CFAP77: variants seen among roughly 807,000 people sequenced by gnomAD.
CFAP77 encodes the protein cilia and flagella associated protein 77, also known as cilia- and flagella-associated protein 77.
A neutral mutation model predicts 31.1 loss-of-function variants in CFAP77; 25 were observed. The observed-to-expected ratio is 0.80, with a 90% CI of 0.59 to 1.12. The LOEUF is 1.12. Ranked by LOEUF, CFAP77 falls within the 50% of genes most tolerant of loss-of-function variation. The probability of loss-of-function intolerance (pLI) is 0.00; values close to 1 mark genes in which losing one functional copy is unlikely to be tolerated. For synonymous variants in CFAP77, 151 were observed against 159.9 expected, an observed-to-expected ratio of 0.94 and a Z score of 0.42; for missense variants, 377 against 397.3, an observed-to-expected ratio of 0.95 and a Z score of 0.44.
intron 1 of CFAP77, among the ~76,000 whole-genome samples, chr9:132,438,549 T>A (rs1212288713): frequency 6.1e-4 from 73 of 119,848 alleles, no homozygotes; most frequent in Non-Finnish European, 1.0e-3. Flanking sequence ...ATATTTTTTT[T>A]TTTTTTTTTA....
chr9:132,548,798 A>C (rs1852778104), intron 5 of CFAP77, among the ~76,000 whole-genome samples: 1 of 150,588 alleles, frequency 6.6e-6, no homozygotes, highest in African/African-American at 2.4e-5. Context: ...TTCAGTCACT[A>C]AAGTATGAAC....
At position 132,480,768 on chromosome 9, in the gene CFAP77, G is replaced by C. The variant is rs1851430655; in HGVS notation, c.196-17927G>C. ...GGGGCCAGGCGCCGGTGAGGAGAGG[G>C]ATGTGTCAGCCTGAGCACAGACTTC... is the stretch of plus-strand genomic sequence containing the variant. On this transcript the variant is annotated intron_variant, in intron 1 of 5. Coordinates refer to ENST00000393216, the MANE Select transcript of CFAP77 (RefSeq NM_001282957.2). The surrounding 1 kb of genome is among the most constrained non-coding windows in gnomAD (Gnocchi z 5.8). Among the ~76,000 whole-genome samples, 1 of 152,120 alleles carries C rather than the reference G, an allele frequency of 6.6e-6. No homozygotes were observed. Among genetic ancestry groups the C allele is most frequent in the Non-Finnish European group, 1.5e-5 (1 of 68,020 alleles).
chr9:132,508,583 G>T (rs771921611), intron 3 of CFAP77, among the ~76,000 whole-genome samples: 1 of 152,304 alleles, frequency 6.6e-6, no homozygotes, highest in East Asian at 1.9e-4. Context: ...GATTAGGACA[G>T]TGGGGGGGTT....
chr9:132,477,029 G>T (rs1334943838), intron 1 of CFAP77, among the ~76,000 whole-genome samples: 1 of 152,188 alleles, frequency 6.6e-6, no homozygotes, highest in South Asian at 2.1e-4. Context: ...AACCTCCTCT[G>T]GTCTTGGGGC....
intron 1 of CFAP77, among the ~76,000 whole-genome samples, chr9:132,447,885 C>T (rs1431390717): frequency 1.3e-5 from 2 of 152,188 alleles, no homozygotes; most frequent in African/African-American, 2.4e-5. Flanking sequence ...GGAGGAAAGA[C>T]CTACTTAGGA....
In CFAP77 at chr9:132,543,065, C is replaced by A. The variant is rs901900149; in HGVS notation, c.732+18C>A. 1.3e-6 allele frequency: 2 copies of A among 1,598,194 alleles called. No homozygotes were observed. Among genetic ancestry groups the A allele is most frequent in the Non-Finnish European group, 1.7e-6 (2 of 1,165,552 alleles). ...TCCAGAAGGTCAGTGTCACCTTCAT[C>A]CACACCCCTCCCTGCACCTTGCTGG... On this transcript the variant is annotated intron_variant, in intron 5 of 5. Transcript: ENST00000393216.
intron 4 of CFAP77, among the ~76,000 whole-genome samples, chr9:132,538,485 C>T (rs1282464034): frequency 1.3e-5 from 2 of 152,236 alleles, no homozygotes; most frequent in African/African-American, 2.4e-5. Flanking sequence ...TGTTGTCATA[C>T]ACATGTGAAA....
intron 5 of CFAP77, among the ~76,000 whole-genome samples, chr9:132,544,683 A>G (rs1426825675): frequency 6.6e-6 from 1 of 151,574 alleles, no homozygotes; most frequent in African/African-American, 2.4e-5. Context: ...TTTTGCAGGG[A>G]TGAGGTTTCG....
chr9:132,413,391 T>C (rs4637976), intron 1 of CFAP77, among the ~76,000 whole-genome samples: 90,065 of 152,184 alleles, frequency 0.59, 32,076 homozygotes, highest in Non-Finnish European at 0.79. Context: ...ATAGGAGTGA[T>C]TGAATCAAGT....
At chr9:132,442,655 CTT>C (rs141344128) in intron 1 of CFAP77, among the ~76,000 whole-genome samples, 7 of 147,114 alleles carry the variant, frequency 4.8e-5, no homozygotes, top group Non-Finnish European at 6.0e-5. Context: ...TCATGCCCAT[CTT>C]TTTTTTTTTC....
At chr9:132,431,739 G>T (rs1564201769) in intron 1 of CFAP77, among the ~76,000 whole-genome samples, 1 of 152,162 alleles carries the variant, frequency 6.6e-6, no homozygotes. Flanking sequence ...GGTATCAAAA[G>T]GTCTAACATG....
intron 5 of CFAP77, among the ~76,000 whole-genome samples, chr9:132,562,961 G>A (rs1829838687): frequency 1.3e-5 from 2 of 151,686 alleles, no homozygotes; most frequent in African/African-American, 2.4e-5. Context: ...GCCTCCCAAA[G>A]TGCTGGGATT....
chr9:132,508,274 T>C (rs1366609829), intron 3 of CFAP77, among the ~76,000 whole-genome samples: 1 of 152,200 alleles, frequency 6.6e-6, no homozygotes, highest in Non-Finnish European at 1.5e-5. Flanking sequence ...AATGAATGTG[T>C]TCCTCAGCCA....
At chr9:132,412,433 CATAT>C (rs900521812) in intron 1 of CFAP77, among the ~76,000 whole-genome samples, 13 of 152,158 alleles carry the variant, frequency 8.5e-5, no homozygotes, top group Non-Finnish European at 1.6e-4. Flanking sequence ...CAGTATTTAC[CATAT>C]ATAATATTAG....
At chr9:132,448,321 A>G (rs1850764076) in intron 1 of CFAP77, among the ~76,000 whole-genome samples, 1 of 152,234 alleles carries the variant, frequency 6.6e-6, no homozygotes, top group African/African-American at 2.4e-5. Flanking sequence ...AATTAGGTTG[A>G]TTAAAACACA....
chr9:132,562,623 T>C (rs1316102863), intron 5 of CFAP77, among the ~76,000 whole-genome samples: 7 of 152,230 alleles, frequency 4.6e-5, no homozygotes, highest in Non-Finnish European at 8.8e-5. Flanking sequence ...ATGTTCTACA[T>C]CCACCTGTCC....
At chr9:132,488,371 T>G (rs1274162296) in intron 1 of CFAP77, among the ~76,000 whole-genome samples, 2 of 152,228 alleles carry the variant, frequency 1.3e-5, no homozygotes, top group Non-Finnish European at 2.9e-5. Context: ...TTCCCCACTT[T>G]TCACCTCTTC....
In CFAP77 at chr9:132,501,512, C is replaced by T. The variant is rs1049658471; in HGVS notation, c.524+1912C>T. ...CTCCCTTCCAGGTTCCAGTGATTCT[C>T]CTGCCTCAGCCTCCCGAGTAGCTGG... On this transcript the variant is annotated intron_variant, in intron 3 of 5. Coordinates refer to ENST00000393216, the MANE Select transcript of CFAP77 (RefSeq NM_001282957.2). The surrounding 1 kb of genome is among the most constrained non-coding windows in gnomAD (Gnocchi z 4.6). 8.6e-5 allele frequency among the ~76,000 whole-genome samples: 13 copies of T among 151,946 alleles called. No homozygotes were observed. Among genetic ancestry groups the T allele is most frequent in the Admixed American group, 6.6e-5 (1 of 15,244 alleles).
chr9:132,526,405 T>TG (rs1460437569), intron 3 of CFAP77, among the ~76,000 whole-genome samples: 2 of 151,208 alleles, frequency 1.3e-5, no homozygotes, highest in African/African-American at 4.8e-5. Flanking sequence ...AATTTTTTTT[T>TG]GTATTTTTAG....
Sources: gnomAD v4.1 joint callset for allele counts (sites outside exome capture counted in the v4.1 genomes callset) on GRCh38, gnomAD v4.1.1 for gene constraint, Gnocchi (gnomAD v3.1) non-coding constraint, MANE v1.5 for transcripts, NCBI Gene and HGNC (gene_info 2026-07-23, HGNC 2026-07-21) for gene names.